ESRRG: variants seen among roughly 807,000 people sequenced by gnomAD.
ESRRG encodes estrogen related receptor gamma, also known as estrogen-related receptor gamma.
A neutral mutation model predicts 44.0 loss-of-function variants in ESRRG; 13 were observed. The ratio of observed to expected loss-of-function variants is 0.30; its 90% CI spans 0.19 to 0.47. ESRRG has a LOEUF of 0.47. ESRRG is among the 20% of genes least tolerant of loss of function. ESRRG has a pLI of 1.00. For synonymous variants in ESRRG, 215 were observed against 214.6 expected (o/e 1.00, Z -0.02); for missense variants, 395 against 580.6 (o/e 0.68, Z 3.29).
At chr1:216,742,556 C>G (rs1230050467) in intron 2 of ESRRG, among the ~76,000 whole-genome samples, 1 of 151,670 alleles carries the variant, frequency 6.6e-6, no homozygotes, top group African/African-American at 2.4e-5. Flanking sequence ...ATTCTTTATC[C>G]ATTTCTGTCC....
At chr1:216,723,497 TA>T (rs2086825460), upstream of ESRRG, 1 of 564,734 alleles carries the variant, frequency 1.8e-6, no homozygotes, top group Non-Finnish European at 3.1e-6. Flanking sequence ...GGGCTTTACA[TA>T]TGCAGTCCCA....
chr1:216,591,684 TGAACCAAGA>T (rs1261752262), intron 3 of ESRRG, among the ~76,000 whole-genome samples: 3 of 151,996 alleles, frequency 2.0e-5, no homozygotes, highest in Non-Finnish European at 2.9e-5. Context: ...AGTAAGAAAA[TGAACCAAGA>T]GTTATGGGGA....
chr1:216,678,400 T>C (rs1205178511), intron 1 of ESRRG, among the ~76,000 whole-genome samples: 9 of 152,226 alleles, frequency 5.9e-5, no homozygotes, highest in Non-Finnish European at 1.0e-4. Context: ...AAATCTGATG[T>C]TATATTTACA....
At chr1:216,524,236 T>C (rs923952936) in intron 5 of ESRRG, among the ~76,000 whole-genome samples, 4 of 135,132 alleles carry the variant, frequency 3.0e-5, no homozygotes, top group South Asian at 4.9e-4. Context: ...TATACATATA[T>C]ATATATATGT....
chr1:216,835,129 A>C (rs1443882420), intron 2 of ESRRG, among the ~76,000 whole-genome samples: 1 of 140,190 alleles, frequency 7.1e-6, no homozygotes, highest in Non-Finnish European at 1.5e-5. Context: ...GAACTTTGGC[A>C]TGTAAATGGA....
chr1:217,016,177 G>A (rs546751124), intron 1 of ESRRG, among the ~76,000 whole-genome samples: 5 of 152,206 alleles, frequency 3.3e-5, no homozygotes, highest in African/African-American at 1.2e-4. Context: ...ATGTTAAAAA[G>A]TGCTGAGAAT....
At chr1:216,955,694 C>A (rs539196769) in intron 1 of ESRRG, among the ~76,000 whole-genome samples, 1 of 152,102 alleles carries the variant, frequency 6.6e-6, no homozygotes, top group Non-Finnish European at 1.5e-5. Flanking sequence ...TCTCTGCATC[C>A]TCACCAGCAT....
At chr1:216,756,956 G>C (rs1345303729) in intron 2 of ESRRG, among the ~76,000 whole-genome samples, 1 of 151,816 alleles carries the variant, frequency 6.6e-6, no homozygotes, top group African/African-American at 2.4e-5. Context: ...TCTAGGGTAC[G>C]CACACCCATC....
chr1:216,581,235 G>A (rs1292332409), intron 3 of ESRRG, among the ~76,000 whole-genome samples: 1 of 152,160 alleles, frequency 6.6e-6, no homozygotes, highest in Non-Finnish European at 1.5e-5. Context: ...CATTAAGTAT[G>A]CCACAATGGT....
chr1:217,090,414 T>C (rs2092320476), upstream of ESRRG: 1 of 151,998 alleles, frequency 6.6e-6, no homozygotes, highest in African/African-American at 2.4e-5. Flanking sequence ...TGAAAAACCA[T>C]TTTCCCTTCT....
At chr1:216,510,632 T>C (rs2042426148) in intron 6 of ESRRG, among the ~76,000 whole-genome samples, 1 of 152,170 alleles carries the variant, frequency 6.6e-6, no homozygotes, top group Admixed American at 6.5e-5. Context: ...ACGCCTGTAA[T>C]CCAAGCACTT....
chr1:216,988,158 T>A (rs2075157099), intron 1 of ESRRG, among the ~76,000 whole-genome samples: 1 of 152,136 alleles, frequency 6.6e-6, no homozygotes. Context: ...GAAAACACAA[T>A]TGGAAGAAAG....
At chr1:216,939,364 A>ACC (rs2064796355) in intron 2 of ESRRG, among the ~76,000 whole-genome samples, 1 of 133,730 alleles carries the variant, frequency 7.5e-6, no homozygotes, top group African/African-American at 3.1e-5. Flanking sequence ...AAAAAAAAAA[A>ACC]AAAAAACACT....
At chr1:216,816,231 C>T (rs2095132592) in intron 2 of ESRRG, among the ~76,000 whole-genome samples, 2 of 152,172 alleles carry the variant, frequency 1.3e-5, no homozygotes. Context: ...AAATATATCA[C>T]ATTCATGGGT....
intron 1 of ESRRG, among the ~76,000 whole-genome samples, chr1:216,974,833 A>C (rs1011822468): frequency 2.7e-5 from 4 of 150,862 alleles, no homozygotes; most frequent in African/African-American, 9.7e-5. Context: ...CTCCCCTCGG[A>C]GGACAGGGAG....
intron 1 of ESRRG, among the ~76,000 whole-genome samples, chr1:217,055,293 CAG>C (rs1450941934): frequency 6.6e-6 from 1 of 152,014 alleles, no homozygotes; most frequent in African/African-American, 2.4e-5. Context: ...AGAAGAGACT[CAG>C]AGCCAATAAA....
intron 2 of ESRRG, among the ~76,000 whole-genome samples, chr1:216,759,323 T>C (rs1219456878): frequency 6.6e-6 from 1 of 152,036 alleles, no homozygotes; most frequent in Non-Finnish European, 1.5e-5. Context: ...CCACCATAGC[T>C]TAACGGAGGG....
chr1:216,682,736 G>GTA (rs1464339989), intron 1 of ESRRG, among the ~76,000 whole-genome samples: 1 of 151,752 alleles, frequency 6.6e-6, no homozygotes, highest in Non-Finnish European at 1.5e-5. Context: ...GTGTGTGTGT[G>GTA]TGTGTTTTAT....
chr1:217,104,737 G>A (rs550400343), intron 1 of ESRRG, among the ~76,000 whole-genome samples: 1 of 152,138 alleles, frequency 6.6e-6, no homozygotes, highest in Non-Finnish European at 1.5e-5. Context: ...AGTAAAAAGA[G>A]GGGGAAAGAA....
Sources: gnomAD v4.1 joint callset for allele counts (sites outside exome capture counted in the v4.1 genomes callset) on GRCh38, gnomAD v4.1.1 for gene constraint, MANE v1.5 for transcripts, NCBI Gene and HGNC (gene_info 2026-07-23, HGNC 2026-07-21) for gene names.